Variants in PSD3 observed in about 807,000 individuals in gnomAD.
The protein encoded by PSD3 is PH and SEC7 domain-containing protein 3.
A neutral mutation model predicts 105.5 loss-of-function variants in PSD3; 49 were observed. The ratio of observed to expected loss-of-function variants is 0.46; its 90% CI spans 0.37 to 0.59. The LOEUF (loss-of-function observed/expected upper bound fraction) is 0.59. Ranked by LOEUF, PSD3 falls within the 20% of genes least tolerant of loss-of-function variation. PSD3 has a pLI of 0.00. For missense variants in PSD3, 1,561 were observed against 1,263.8 expected, an observed-to-expected ratio of 1.24 and a Z score of -3.57; for synonymous variants, 557 against 457.8, an observed-to-expected ratio of 1.22 and a Z score of -2.77.
At chr8:18,880,616 C>T (rs1393657488) in intron 2 of PSD3, among the ~76,000 whole-genome samples, 1 of 152,186 alleles carries the variant, frequency 6.6e-6, no homozygotes, top group Non-Finnish European at 1.5e-5. Flanking sequence ...CCCATCATCT[C>T]CTCATCTCCT....
At chr8:18,536,763 T>C (rs1009079210) in intron 15 of PSD3, among the ~76,000 whole-genome samples, 5 of 152,162 alleles carry the variant, frequency 3.3e-5, no homozygotes, top group Admixed American at 2.6e-4. Flanking sequence ...ACTTTTTTTT[T>C]CTTCCAGTTT....
intron 9 of PSD3, among the ~76,000 whole-genome samples, chr8:18,708,286 T>C (rs1471403991): frequency 6.6e-6 from 1 of 152,172 alleles, no homozygotes. Flanking sequence ...GTAACAGTAA[T>C]TCCTCTACAT....
intron 1 of PSD3, among the ~76,000 whole-genome samples, chr8:19,067,268 C>A (rs1350360638): frequency 6.6e-6 from 1 of 152,130 alleles, no homozygotes; most frequent in Non-Finnish European, 1.5e-5. Context: ...AATTTCCATG[C>A]CCTCTTGCGT....
At chr8:18,680,956 C>T (rs2130950259) in intron 9 of PSD3, among the ~76,000 whole-genome samples, 1 of 152,008 alleles carries the variant, frequency 6.6e-6, no homozygotes, top group East Asian at 1.9e-4. Flanking sequence ...AATCAGAGAA[C>T]AAGTGAGGAC....
intron 1 of PSD3, among the ~76,000 whole-genome samples, chr8:18,998,473 G>A (rs919360402): frequency 6.6e-6 from 1 of 151,896 alleles, no homozygotes; most frequent in Non-Finnish European, 1.5e-5. Flanking sequence ...GGATCACAAG[G>A]TCGGGAGATT....
intron 1 of PSD3, among the ~76,000 whole-genome samples, chr8:18,986,816 G>A (rs1181559346): frequency 6.6e-6 from 1 of 152,128 alleles, no homozygotes; most frequent in African/African-American, 2.4e-5. Flanking sequence ...AGCCAGCAGT[G>A]GGCAGATAAG....
upstream of PSD3, chr8:19,013,830 C>T (rs111353622): frequency 1.1e-3 from 180 of 157,918 alleles, no homozygotes; most frequent in African/African-American, 4.1e-3. Context: ...TGGCGGGCCC[C>T]GGGGGCGGAG....
At chr8:18,989,351 G>A (rs756788663) in intron 1 of PSD3, 1 of 152,146 alleles carries the variant, frequency 6.6e-6, no homozygotes, top group Non-Finnish European at 1.5e-5. Flanking sequence ...TTCAGAATGA[G>A]TTTTGGAAAG....
chr8:18,644,074 G>A (rs910109729), intron 10 of PSD3, among the ~76,000 whole-genome samples: 1 of 152,204 alleles, frequency 6.6e-6, no homozygotes, highest in African/African-American at 2.4e-5. Context: ...CTCTGGGACT[G>A]TGATGGAATG....
chr8:18,594,418 T>C (rs1253240362), intron 12 of PSD3, among the ~76,000 whole-genome samples: 5 of 121,706 alleles, frequency 4.1e-5, no homozygotes, highest in Non-Finnish European at 4.8e-5. Context: ...ATATAAATAA[T>C]ATACATTATA....
At chr8:19,039,697 C>T (rs902914144) in intron 1 of PSD3, among the ~76,000 whole-genome samples, 14 of 152,336 alleles carry the variant, frequency 9.2e-5, no homozygotes, top group East Asian at 1.9e-4. Context: ...TTACATTCAT[C>T]TCTCATCCCA....
chr8:18,766,775 A>G (rs890195152), intron 8 of PSD3, among the ~76,000 whole-genome samples: 4 of 152,240 alleles, frequency 2.6e-5, no homozygotes, highest in African/African-American at 9.6e-5. Flanking sequence ...TCTTGTGACC[A>G]CTGGGCTCTA....
At chr8:18,561,993 A>G (rs142799746) in intron 14 of PSD3, among the ~76,000 whole-genome samples, 60 of 152,352 alleles carry the variant, frequency 3.9e-4, no homozygotes, top group Middle Eastern at 6.8e-3. Context: ...GGAGAGAAGG[A>G]TGAGAGAGAA....
At chr8:18,906,525 G>A (rs543451893) in intron 2 of PSD3, among the ~76,000 whole-genome samples, 182 of 152,270 alleles carry the variant, frequency 1.2e-3, no homozygotes, top group Non-Finnish European at 1.9e-3. Flanking sequence ...TGCTAGGAAG[G>A]CTCTGATGGC....
At chr8:18,540,517 C>T (rs547219790) in intron 15 of PSD3, among the ~76,000 whole-genome samples, 1 of 152,068 alleles carries the variant, frequency 6.6e-6, no homozygotes, top group Non-Finnish European at 1.5e-5. Context: ...AAGCTTTGCT[C>T]CTTCACTCTT....
intron 4 of PSD3, among the ~76,000 whole-genome samples, chr8:18,818,231 A>G (rs1460756471): frequency 2.0e-5 from 3 of 152,356 alleles, no homozygotes; most frequent in Non-Finnish European, 4.4e-5. Context: ...CTTGGATTAC[A>G]GACGTGAGCC....
At chr8:18,808,888 A>C (rs1811437126) in intron 4 of PSD3, 1 of 1,577,382 alleles carries the variant, frequency 6.3e-7, no homozygotes, top group Non-Finnish European at 8.6e-7. Context: ...ACAGCCTTCC[A>C]AGAACCTGGC....
At chr8:18,824,828 TCAGC>T (rs1334873157) in intron 4 of PSD3, among the ~76,000 whole-genome samples, 1 of 152,100 alleles carries the variant, frequency 6.6e-6, no homozygotes, top group Non-Finnish European at 1.5e-5. Context: ...ACACAGTACT[TCAGC>T]CAGCGTGCCA....
intron 14 of PSD3, among the ~76,000 whole-genome samples, chr8:18,564,450 G>A (rs1801603004): frequency 1.3e-5 from 2 of 152,008 alleles, no homozygotes; most frequent in Non-Finnish European, 2.9e-5. Flanking sequence ...CCAACATGGT[G>A]AAACCCCGTC....
Sources: allele counts gnomAD v4.1 joint callset (sites outside exome capture counted in the v4.1 genomes callset), GRCh38; gene constraint gnomAD v4.1.1; transcripts MANE v1.5; gene names NCBI Gene and HGNC (gene_info 2026-07-23, HGNC 2026-07-21).